The following KATNBL1 variants were observed in gnomAD, a reference collection of about 807,000 sequenced individuals.
KATNBL1 encodes the protein KATNB1-like protein 1.
KATNBL1 carries 28 observed loss-of-function variants against 44.7 expected under a neutral mutation model. The ratio of observed to expected loss-of-function variants is 0.63; its 90% CI spans 0.46 to 0.86. The LOEUF is 0.86. KATNBL1 is among the 40% of genes least tolerant of loss of function. The pLI, the probability that KATNBL1 is intolerant of heterozygous loss-of-function variation, is 0.00. For synonymous variants in KATNBL1, 78 were observed against 114.9 expected, an observed-to-expected ratio of 0.68 and a Z score of 2.06; for missense variants, 272 against 350.7, an observed-to-expected ratio of 0.78 and a Z score of 1.79.
chr15:34,161,510 G>A (rs1048885929), intron 2 of KATNBL1, among the ~76,000 whole-genome samples: 2 of 152,218 alleles, frequency 1.3e-5, no homozygotes, highest in Admixed American at 1.3e-4. Flanking sequence ...TTCTCAGCAA[G>A]GCAATTTACT....
chr15:34,187,725 T>C (rs1412692670), intron 1 of KATNBL1, among the ~76,000 whole-genome samples: 2 of 152,186 alleles, frequency 1.3e-5, no homozygotes, highest in Admixed American at 6.5e-5. Flanking sequence ...GAACCTATCA[T>C]AAGGCCATTT....
At position 34,209,941 on chromosome 15, in the gene KATNBL1, A is replaced by G. The variant is rs1890392792; in HGVS notation, c.-15+10T>C. 1 of 151,674 alleles carries G rather than the reference A, an allele frequency of 6.6e-6. No individual in the cohort carries two copies. The highest frequency in any genetic ancestry group is 1.5e-5 in the Non-Finnish European group (1 of 67,848). 9.4% of individuals were successfully genotyped at this position (151,674 alleles called of 1,614,324 possible). On this transcript the variant is annotated intron_variant, in intron 1 of 9. Transcript: ENST00000256544. ...GGCGCGGGGCTCGCACCGGCTCGGC[A>G]GTCACTTACCGGCGCCTCATGGTAC...
At chr15:34,150,585 G>A (rs939219958) in intron 4 of KATNBL1, among the ~76,000 whole-genome samples, 3 of 152,156 alleles carry the variant, frequency 2.0e-5, no homozygotes, top group Non-Finnish European at 2.9e-5. Flanking sequence ...TAGAGCGAGA[G>A]ACCCTGTTTC....
chr15:34,199,630 G>A (rs9672345), intron 1 of KATNBL1: 23,480 of 152,398 alleles, frequency 0.15, 1,955 homozygotes, highest in African/African-American at 0.21. Flanking sequence ...CAAAAATGGT[G>A]TGTCCAGAGT....
chr15:34,159,596 GT>G (rs535345338), intron 2 of KATNBL1, among the ~76,000 whole-genome samples: 2 of 152,086 alleles, frequency 1.3e-5, no homozygotes, highest in Non-Finnish European at 2.9e-5. Flanking sequence ...TTTCCCTAGG[GT>G]TTTTTAATTT....
At chr15:34,192,331 G>C (rs191965240) in intron 1 of KATNBL1, among the ~76,000 whole-genome samples, 2 of 151,480 alleles carry the variant, frequency 1.3e-5, no homozygotes, top group African/African-American at 4.8e-5. Flanking sequence ...TTGAACCCAG[G>C]AGGCAGAGGT....
chr15:34,178,551 A>T (rs887488705), intron 1 of KATNBL1, among the ~76,000 whole-genome samples: 2 of 152,058 alleles, frequency 1.3e-5, no homozygotes, highest in African/African-American at 4.8e-5. Context: ...AGGTCAGGAG[A>T]TCGAGACCAT....
At chr15:34,153,099 A>G in intron 3 of KATNBL1, 30 bp from the exon 4 acceptor site, 2 of 1,522,892 alleles carry the variant, frequency 1.3e-6, no homozygotes, top group East Asian at 4.5e-5. Context: ...TCTTAAATGA[A>G]AAAGAACCAT....
At chr15:34,150,090 G>T (rs7166360) in intron 4 of KATNBL1, among the ~76,000 whole-genome samples, 31,377 of 152,100 alleles carry the variant, frequency 0.21, 4,045 homozygotes, top group African/African-American at 0.37. Context: ...AGATGTTATG[G>T]TATCACTTTC....
chr15:34,150,227 A>G (rs1281689675), intron 4 of KATNBL1, among the ~76,000 whole-genome samples: 2 of 152,246 alleles, frequency 1.3e-5, no homozygotes, highest in African/African-American at 4.8e-5. Flanking sequence ...TGTAAAGTAA[A>G]AAGAGGTTCT....
chr15:34,155,553 C>T (rs1888612479), intron 2 of KATNBL1, among the ~76,000 whole-genome samples: 1 of 152,150 alleles, frequency 6.6e-6, no homozygotes, highest in Non-Finnish European at 1.5e-5. Flanking sequence ...TTTTTGCTAA[C>T]TCATTGGACA....
chr15:34,161,343 C>T (rs1379232371), intron 2 of KATNBL1, among the ~76,000 whole-genome samples: 4 of 152,140 alleles, frequency 2.6e-5, no homozygotes, highest in African/African-American at 9.7e-5. Context: ...ATTCCTTACA[C>T]AAGGCCACCG....
At chr15:34,166,541 T>C (rs1396600194) in intron 1 of KATNBL1, among the ~76,000 whole-genome samples, 1 of 152,260 alleles carries the variant, frequency 6.6e-6, no homozygotes, top group Non-Finnish European at 1.5e-5. Flanking sequence ...CAGAAACTTC[T>C]GCAGACTTAA....
intron 1 of KATNBL1, chr15:34,199,759 T>G (rs1890124640): frequency 1.3e-5 from 2 of 152,174 alleles, no homozygotes; most frequent in African/African-American, 4.8e-5. Context: ...AGGACCTTCG[T>G]GGCAAGTGTT....
intron 2 of KATNBL1, among the ~76,000 whole-genome samples, chr15:34,158,197 C>T (rs1391772760): frequency 1.3e-5 from 2 of 152,200 alleles, no homozygotes; most frequent in Non-Finnish European, 2.9e-5. Context: ...CATCCATAAA[C>T]CCAAAGGACT....
chr15:34,163,720 A>G, intron 1 of KATNBL1, 30 bp from the exon 2 acceptor site: 2 of 1,283,206 alleles, frequency 1.6e-6, no homozygotes, highest in Non-Finnish European at 2.2e-6. Flanking sequence ...AGAAAATTAA[A>G]ACAGCAAAAA....
intron 1 of KATNBL1, among the ~76,000 whole-genome samples, chr15:34,165,327 T>C (rs1393403382): frequency 2.0e-5 from 3 of 151,698 alleles, no homozygotes; most frequent in Non-Finnish European, 2.9e-5. Flanking sequence ...ATTTTTTTTT[T>C]CAAAAAAGGG....
chr15:34,146,548 G>C lies in KATNBL1; in HGVS notation c.788+213C>G. 3 of 482,852 alleles carry C rather than the reference G, an allele frequency of 6.2e-6. No homozygotes were observed. The Admixed American group carries it at 1.1e-4, about 17-fold the overall frequency. The allele number at this position is 482,852 out of a possible 1,614,324, so 29.9% of individuals were successfully genotyped here. On this transcript the variant is annotated intron_variant, in intron 8 of 9. Transcript: ENST00000256544. Reference sequence around the variant, plus strand: ...TAAAATGAAGGGTAGGGTTGTGCCAGAAGAAGAGATACAGGAGGTTAGTAG... The same window carrying C: ...TAAAATGAAGGGTAGGGTTGTGCCACAAGAAGAGATACAGGAGGTTAGTAG...
intron 1 of KATNBL1, among the ~76,000 whole-genome samples, chr15:34,206,800 A>G (rs1890304763): frequency 1.3e-5 from 2 of 152,144 alleles, no homozygotes; most frequent in Non-Finnish European, 2.9e-5. Flanking sequence ...TCAAAAAAAA[A>G]AAAAGAAAAG....
Sources: gnomAD v4.1 joint callset for allele counts (sites outside exome capture counted in the v4.1 genomes callset) on GRCh38, gnomAD v4.1.1 for gene constraint, MANE v1.5 for transcripts, NCBI Gene and HGNC (gene_info 2026-07-23, HGNC 2026-07-21) for gene names.